The following PDE6C variants were observed in gnomAD, a reference collection of about 807,000 sequenced individuals.
PDE6C encodes the protein cone cGMP-specific 3',5'-cyclic phosphodiesterase subunit alpha'.
A neutral mutation model predicts 113.1 loss-of-function variants in PDE6C; 75 were observed. The observed-to-expected ratio is 0.66, with a 90% CI of 0.55 to 0.80. PDE6C has a LOEUF of 0.80. Ranked by LOEUF, PDE6C falls within the 30% of genes least tolerant of loss-of-function variation. PDE6C has a pLI of 0.00. For missense variants in PDE6C, 912 were observed against 1,038.6 expected (o/e 0.88, Z 1.67); for synonymous variants, 375 against 363.7 (o/e 1.03, Z -0.35).
rs528361710 is a variant in PDE6C, at chr10:93,616,530, C to T, written c.480+3325C>T. Among the ~76,000 whole-genome samples, 19 of 151,924 alleles carry T rather than the reference C, an allele frequency of 1.3e-4. No individual in the cohort carries two copies. In the East Asian group the frequency reaches 2.3e-3, roughly 19 times the overall value. On this transcript the variant is annotated intron_variant, in intron 1 of 21. Coordinates refer to ENST00000371447, the MANE Select transcript of PDE6C (RefSeq NM_006204.4). Reference sequence around the variant, plus strand: ...AAGGACCTGACTCATAGTAGATGCTCAATAAATGATAGCTGTGATAATATT... The same window carrying T: ...AAGGACCTGACTCATAGTAGATGCTTAATAAATGATAGCTGTGATAATATT...
At chr10:93,637,225 T>C (rs1329609146) in intron 11 of PDE6C, among the ~76,000 whole-genome samples, 162 bp downstream of exon 11, 1 of 152,250 alleles carries the variant, frequency 6.6e-6, no homozygotes, top group African/African-American at 2.4e-5. Flanking sequence ...GATTGATCTT[T>C]TGATTCCCTG....
At position 93,612,792 on chromosome 10, in the gene PDE6C, T is replaced by C. The variant is rs1725192215; in HGVS notation, c.67T>C (p.Tyr23His). 1.2e-6 allele frequency: 2 copies of C among 1,613,932 alleles called. No homozygotes were observed. Among genetic ancestry groups the C allele is most frequent in the Non-Finnish European group, 8.5e-7 (1 of 1,180,002 alleles). The stretch of plus-strand genomic sequence containing the variant: ...GGAGAACCCTCAGTTTGCCAAGGAG[T>C]ACTTTGACAGGAAGTTGCGGGTGGA... ...LEENPQFAKE[Y>H]FDRKLRVEVL... Residue 23 changes from tyrosine to histidine, a missense_variant, in exon 1 of 22, where the codon TAC (tyrosine) becomes CAC (histidine). Physicochemically the swap from Tyr to His is moderately conservative, Grantham distance 83. Coordinates refer to ENST00000371447, the MANE Select transcript of PDE6C (RefSeq NM_006204.4).
intron 11 of PDE6C, among the ~76,000 whole-genome samples, chr10:93,638,514 A>C (rs562949396): frequency 6.6e-5 from 10 of 152,316 alleles, no homozygotes; most frequent in African/African-American, 2.4e-4. Flanking sequence ...CATCCGTGTC[A>C]CCAGAAATTC....
At position 93,655,827 on chromosome 10, in the gene PDE6C, C is replaced by T. The variant is rs1034009149; in HGVS notation, c.2003C>T (p.Ala668Val). 6.2e-7 allele frequency: 1 copy of T among 1,601,614 alleles called. No homozygotes were observed. Residue 668 changes from alanine (A) to valine (V), a missense_variant, in exon 16 of 22, where the codon GCA (alanine) becomes GTA (valine). By Grantham distance (64) the Ala-to-Val change is moderately conservative (BLOSUM62 0). Coordinates refer to ENST00000371447, the MANE Select transcript of PDE6C (RefSeq NM_006204.4). ...ACAGTTATTCATTTGTTCGAGGTCG[C>T]AATAATAGCAACTGACCTGGCTTTA... is the stretch of plus-strand genomic sequence containing the variant. ...FETVIHLFEV[A>V]IIATDLALYF...
chr10:93,626,822 A>C lies in PDE6C; in HGVS notation c.1022A>C (p.His341Pro). Residue 341 changes from histidine (H) to proline (P), a missense_variant, in exon 7 of 22, where the codon CAC becomes CCC. His to Pro is a moderately conservative substitution (Grantham distance 77). Coordinates refer to ENST00000371447, the MANE Select transcript of PDE6C (RefSeq NM_006204.4). ...TCCCCAAGGACGCCTCCTGCAGACC[A>C]CTGGACACTCATTAGTGGGTTGCCA... ...IKVIPTPPAD[H>P]WTLISGLPTY... 6.2e-7 allele frequency: 1 copy of C among 1,614,040 alleles called. No homozygotes were observed. Among genetic ancestry groups the C allele is most frequent in the Non-Finnish European group, 8.5e-7 (1 of 1,179,958 alleles).
In PDE6C at chr10:93,663,018, T is replaced by C. The variant is rs1302881048; in HGVS notation, c.2368-10T>C. 1 of 1,606,642 alleles carries C rather than the reference T, an allele frequency of 6.2e-7. No individual in the cohort carries two copies. The highest frequency in any genetic ancestry group is 1.7e-5 in the Admixed American group (1 of 59,970). On this transcript the variant is annotated splice_polypyrimidine_tract_variant and intron_variant, in intron 20 of 21. Coordinates refer to ENST00000371447, the MANE Select transcript of PDE6C (RefSeq NM_006204.4). ...GATTTATGTAGTTTCTGACCTAAAA[T>C]TCCTTTTAGGAGTTCTCACGGTTTC...
rs529144809 is a variant in PDE6C at position 93,635,664 on chromosome 10, G to A, written c.1413+24G>A. On this transcript the variant is annotated intron_variant, in intron 10 of 21. Coordinates refer to ENST00000371447, the MANE Select transcript of PDE6C (RefSeq NM_006204.4). ...TGGTAAGTGGGAAATTCAGTCCTGT[G>A]GACATAAGATGTTACCTAACCACAT... 5.0e-6 allele frequency: 8 copies of A among 1,611,660 alleles called. No individual in the cohort carries two copies. In the South Asian group the frequency reaches 7.7e-5, roughly 16 times the overall value.
At chr10:93,654,922 C>G (rs1233266702) in intron 15 of PDE6C, among the ~76,000 whole-genome samples, 1 of 151,706 alleles carries the variant, frequency 6.6e-6, no homozygotes, top group African/African-American at 2.4e-5. Flanking sequence ...ATCCTACCAC[C>G]TTGGCCTCCT....
In PDE6C at chr10:93,621,861, T is replaced by C. The variant is rs1163524726; in HGVS notation, c.724-71T>C. 1.4e-5 allele frequency: 19 copies of C among 1,377,444 alleles called. No homozygotes were observed. The East Asian group carries it at 3.9e-4, about 28-fold the overall frequency. 85.3% of individuals were successfully genotyped at this position (1,377,444 alleles called of 1,614,324 possible). On this transcript the variant is annotated intron_variant, in intron 3 of 21. Coordinates refer to ENST00000371447, the MANE Select transcript of PDE6C (RefSeq NM_006204.4). ...TTTATTTGATGCACCTCATGTTTTCTTGTGGTGAATGCTCTATCTCTCCAT... is the reference window on the plus strand; with the variant it reads ...TTTATTTGATGCACCTCATGTTTTCCTGTGGTGAATGCTCTATCTCTCCAT...
At chr10:93,613,817 C>T (rs1370924478) in intron 1 of PDE6C, among the ~76,000 whole-genome samples, 2 of 152,114 alleles carry the variant, frequency 1.3e-5, no homozygotes, top group Non-Finnish European at 2.9e-5. Context: ...TGCAATTGAC[C>T]ACTCCCACTG....
At chr10:93,645,911 T>G in intron 14 of PDE6C, 49 bp from the exon 15 acceptor site, 1 of 954,178 alleles carries the variant, frequency 1.0e-6, no homozygotes, top group Non-Finnish European at 1.6e-6. Context: ...TATGAACCTA[T>G]GTGTAATTTT....
At chr10:93,664,170 A>G (rs2058679556) in intron 21 of PDE6C, among the ~76,000 whole-genome samples, 1 of 152,182 alleles carries the variant, frequency 6.6e-6, no homozygotes, top group Non-Finnish European at 1.5e-5. Flanking sequence ...CTTTATCTTG[A>G]ACAATTTACC....
intron 16 of PDE6C, among the ~76,000 whole-genome samples, chr10:93,658,169 CAAAAAAAAAAAAA>C (rs71031527): frequency 1.7e-5 from 1 of 59,888 alleles, no homozygotes; most frequent in Non-Finnish European, 3.1e-5. Flanking sequence ...GATTCTGTCT[CAAAAAAAAAAAAA>C]AAAAAAAAAA....
chr10:93,646,119 G>A (rs2058583295), intron 15 of PDE6C, 72 bp downstream of exon 15: 3 of 908,716 alleles, frequency 3.3e-6, no homozygotes, highest in Non-Finnish European at 5.5e-6. Flanking sequence ...GAAAATGCTT[G>A]GAAAAAGGGT....
chr10:93,662,742 C>A, intron 20 of PDE6C, 99 bp downstream of exon 20: 1 of 726,074 alleles, frequency 1.4e-6, no homozygotes. Flanking sequence ...ATACGGAAAG[C>A]CATTGGGGTA....
chr10:93,636,548 A>G (rs907854597), intron 10 of PDE6C, among the ~76,000 whole-genome samples: 1 of 152,096 alleles, frequency 6.6e-6, no homozygotes, highest in South Asian at 2.1e-4. Flanking sequence ...TGATAAGCTA[A>G]TACAAAAATA....
intron 1 of PDE6C, among the ~76,000 whole-genome samples, chr10:93,616,523 A>G (rs74784169): frequency 6.6e-6 from 1 of 152,252 alleles, no homozygotes; most frequent in African/African-American, 2.4e-5. Flanking sequence ...GACTCATAGT[A>G]GATGCTCAAT....
At chr10:93,635,449 A>G in intron 9 of PDE6C, 48 bp from the exon 10 acceptor site, 1 of 1,553,366 alleles carries the variant, frequency 6.4e-7, no homozygotes, top group Non-Finnish European at 8.9e-7. Flanking sequence ...CTCCAAACCA[A>G]TTTTTCTTTC....
In PDE6C at chr10:93,658,888, GTA is replaced by G; in HGVS notation, c.2037-11_2037-10del. 6.7e-7 allele frequency: 1 copy of G among 1,502,202 alleles called. No homozygotes were observed. Among genetic ancestry groups the G allele is most frequent in the Non-Finnish European group, 9.3e-7 (1 of 1,078,568 alleles). The allele number at this position is 1,502,202 out of a possible 1,614,324, so 93.1% of individuals were successfully genotyped here. A position where few individuals can be genotyped will look rare whatever the true frequency, so the allele number is the denominator to read the frequency against. On this transcript the variant is annotated splice_polypyrimidine_tract_variant and intron_variant, in intron 16 of 21. Transcript: ENST00000371447. ...TAAGCTAAAATTGTTGCTCACAGCT[GTA>G]TCTTTTCTAGGAAGAGGACCATGTT...
Sources: allele counts gnomAD v4.1 joint callset (sites outside exome capture counted in the v4.1 genomes callset), GRCh38; gene constraint gnomAD v4.1.1; transcripts MANE v1.5; gene names NCBI Gene and HGNC (gene_info 2026-07-23, HGNC 2026-07-21).